The following FZD3 variants were observed in gnomAD, a reference collection of about 807,000 sequenced individuals.
The protein encoded by FZD3 is frizzled-3.
FZD3 carries 30 observed loss-of-function variants against 60.7 expected under a neutral mutation model. The ratio of observed to expected loss-of-function variants is 0.49; its 90% CI spans 0.37 to 0.67. FZD3 has a LOEUF of 0.67. FZD3 is among the 30% of genes least tolerant of loss of function. The pLI is 0.00. For missense variants in FZD3, 605 were observed against 838.7 expected (o/e 0.72, Z 3.44); for synonymous variants, 246 against 275.2 (o/e 0.89, Z 1.05).
chr8:28,538,320 C>G (rs1160966065), intron 5 of FZD3, among the ~76,000 whole-genome samples: 1 of 151,962 alleles, frequency 6.6e-6, no homozygotes, highest in Non-Finnish European at 1.5e-5. Context: ...AGAGTAGAAG[C>G]AACATAGTTT....
intron 7 of FZD3, among the ~76,000 whole-genome samples, chr8:28,562,194 C>T (rs1304535581): frequency 6.6e-6 from 1 of 152,142 alleles, no homozygotes; most frequent in Non-Finnish European, 1.5e-5. Flanking sequence ...CAGCCTCAAG[C>T]CCTGATGAGA....
In FZD3 at chr8:28,568,466, A is replaced by C. The variant is rs988115820; in HGVS notation, c.*5455A>C. ...AGTCTCCTGGGTTTTTTACTAATTT[A>C]ATCTTAATCCTGTGCTTCTTTAGTC... On this transcript the variant is annotated 3_prime_UTR_variant, in exon 8 of 8. Coordinates refer to ENST00000240093, the MANE Select transcript of FZD3 (RefSeq NM_017412.4). 2 of 152,054 alleles carry C rather than the reference A, an allele frequency of 1.3e-5. No individual in the cohort carries two copies. The highest frequency in any genetic ancestry group is 2.9e-5 in the Non-Finnish European group (2 of 67,978). The allele number at this position is 152,054 out of a possible 1,614,324, so 9.4% of individuals were successfully genotyped here. A position where few individuals can be genotyped will look rare whatever the true frequency, so the allele number is the denominator to read the frequency against.
rs186453351 is a variant in FZD3 at position 28,500,451 on chromosome 8, C to A, written c.-345+473C>A. ...TCTTCAGGTTTTATGTGGTAGTCTT[C>A]TTTGAACCATTGATTTGAAACCCAT... On this transcript the variant is annotated intron_variant, in intron 2 of 7. Coordinates refer to ENST00000240093, the MANE Select transcript of FZD3 (RefSeq NM_017412.4). 3.7e-4 allele frequency among the ~76,000 whole-genome samples: 56 copies of A among 152,274 alleles called. No homozygotes were observed. The East Asian group carries it at 4.6e-3, about 13-fold the overall frequency.
intron 5 of FZD3, among the ~76,000 whole-genome samples, chr8:28,529,708 A>T (rs1804812722): frequency 6.6e-6 from 1 of 152,134 alleles, no homozygotes; most frequent in African/African-American, 2.4e-5. Context: ...TTAGCTACTG[A>T]CTTTTTAAAA....
chr8:28,529,836 A>G (rs886248008), intron 5 of FZD3, among the ~76,000 whole-genome samples: 1 of 152,152 alleles, frequency 6.6e-6, no homozygotes, highest in Admixed American at 6.5e-5. Flanking sequence ...CCTAAAGGTA[A>G]ATAATCCAGT....
intron 7 of FZD3, among the ~76,000 whole-genome samples, chr8:28,558,097 G>A (rs1805545894): frequency 6.6e-6 from 1 of 152,220 alleles, no homozygotes; most frequent in Admixed American, 6.5e-5. Context: ...TAGACTGCAT[G>A]TTTTGGCAAC....
intron 1 of FZD3, among the ~76,000 whole-genome samples, chr8:28,495,856 C>A (rs1803830405): frequency 6.6e-6 from 1 of 152,024 alleles, no homozygotes; most frequent in African/African-American, 2.4e-5. Flanking sequence ...TACCCCCCCA[C>A]CCCATTGTTT....
chr8:28,560,202 A>G (rs960618473), intron 7 of FZD3, among the ~76,000 whole-genome samples: 14 of 147,482 alleles, frequency 9.5e-5, no homozygotes, highest in Admixed American at 8.9e-4. Context: ...AGGTTTTTTT[A>G]TGTTGACTTT....
At chr8:28,528,470 G>A (rs547239716) in intron 5 of FZD3, among the ~76,000 whole-genome samples, 6 of 151,454 alleles carry the variant, frequency 4.0e-5, no homozygotes, top group African/African-American at 1.5e-4. Context: ...CTTTACCAAC[G>A]TTTATAAAAA....
chr8:28,565,682 T>G lies in FZD3; in HGVS notation c.*2671T>G, dbSNP rs1805693363. ...TGTGGGTATGTATGGGAATACTATA[T>G]TGACTTTTCAGTTACTTTCAGTAAG... is the stretch of plus-strand genomic sequence containing the variant. On this transcript the variant is annotated 3_prime_UTR_variant, in exon 8 of 8. Coordinates refer to ENST00000240093, the MANE Select transcript of FZD3 (RefSeq NM_017412.4). 1 of 152,216 alleles carries G rather than the reference T, an allele frequency of 6.6e-6. No homozygotes were observed. Among genetic ancestry groups the G allele is most frequent in the African/African-American group, 2.4e-5 (1 of 41,472 alleles). 9.4% of individuals were successfully genotyped at this position (152,216 alleles called of 1,614,324 possible). A position where few individuals can be genotyped will look rare whatever the true frequency, so the allele number is the denominator to read the frequency against.
rs528605118 is a variant in FZD3 at position 28,565,091 on chromosome 8, G to A, written c.*2080G>A. The stretch of plus-strand genomic sequence containing the variant: ...AAAACAAACTGCCAAGAAATTAGGT[G>A]TTGAAAAAGAATATTCTCATCAGGC... On this transcript the variant is annotated 3_prime_UTR_variant, in exon 8 of 8. Coordinates refer to ENST00000240093, the MANE Select transcript of FZD3 (RefSeq NM_017412.4). 1 of 152,258 alleles carries A rather than the reference G, an allele frequency of 6.6e-6. No individual in the cohort carries two copies. Among genetic ancestry groups the A allele is most frequent in the South Asian group, 2.1e-4 (1 of 4,826 alleles). 9.4% of individuals were successfully genotyped at this position (152,258 alleles called of 1,614,324 possible).
rs571367885 is a variant in FZD3 at position 28,504,286 on chromosome 8, C to T, written c.189+1084C>T. 3.3e-5 allele frequency among the ~76,000 whole-genome samples: 5 copies of T among 152,148 alleles called. No homozygotes were observed. In the South Asian group the frequency reaches 6.2e-4, roughly 19 times the overall value. The stretch of plus-strand genomic sequence containing the variant: ...ATTTTTTGCTTTTCCTCTGAGTACA[C>T]GAGGTCTAAGTGGTTGAAGAGAGAG... On this transcript the variant is annotated intron_variant, in intron 3 of 7. Transcript: ENST00000240093.
intron 3 of FZD3, among the ~76,000 whole-genome samples, chr8:28,511,844 T>C (rs1220488876): frequency 6.6e-6 from 1 of 152,218 alleles, no homozygotes; most frequent in Non-Finnish European, 1.5e-5. Flanking sequence ...CCCTTCAAAG[T>C]AGAGCTTGTC....
At chr8:28,538,074 G>A (rs1312319166) in intron 5 of FZD3, among the ~76,000 whole-genome samples, 2 of 151,236 alleles carry the variant, frequency 1.3e-5, no homozygotes, top group Non-Finnish European at 2.9e-5. Flanking sequence ...CCAAGATTGC[G>A]CCACTGCACT....
intron 3 of FZD3, among the ~76,000 whole-genome samples, chr8:28,513,789 A>G (rs117033272): frequency 6.6e-6 from 1 of 152,206 alleles, no homozygotes; most frequent in Non-Finnish European, 1.5e-5. Flanking sequence ...CCCATAGGGT[A>G]CAGTTTCTAT....
chr8:28,546,600 C>A (rs967103098), intron 5 of FZD3, among the ~76,000 whole-genome samples: 2 of 149,332 alleles, frequency 1.3e-5, no homozygotes, highest in Non-Finnish European at 2.9e-5. Context: ...TTCCCAATGC[C>A]CCACCCAGCA....
At chr8:28,556,606 C>T (rs352224) in intron 7 of FZD3, among the ~76,000 whole-genome samples, 3,637 of 151,424 alleles carry the variant, frequency 0.024, 183 homozygotes, top group African/African-American at 0.082. Flanking sequence ...AAACGTTTTC[C>T]GTGAAGAGCC....
chr8:28,505,357 T>A (rs1181995446), intron 3 of FZD3, among the ~76,000 whole-genome samples: 3 of 151,412 alleles, frequency 2.0e-5, no homozygotes, highest in Non-Finnish European at 4.4e-5. Context: ...TTTTTCTTTT[T>A]TTATTTTTTT....
At chr8:28,528,784 T>A (rs1052744748) in intron 5 of FZD3, among the ~76,000 whole-genome samples, 4 of 152,186 alleles carry the variant, frequency 2.6e-5, no homozygotes, top group Non-Finnish European at 5.9e-5. Context: ...AGTGACTTGT[T>A]CTTGAGTAGT....
Sources: allele counts gnomAD v4.1 joint callset (sites outside exome capture counted in the v4.1 genomes callset), GRCh38; gene constraint gnomAD v4.1.1; transcripts MANE v1.5; gene names NCBI Gene and HGNC (gene_info 2026-07-23, HGNC 2026-07-21).